SORT1: variants seen among roughly 807,000 people sequenced by gnomAD.
SORT1 encodes the protein sortilin.
SORT1 carries 39 observed loss-of-function variants against 101.7 expected under a neutral mutation model. The ratio of observed to expected loss-of-function variants is 0.38; its 90% confidence interval spans 0.30 to 0.50. The LOEUF (loss-of-function observed/expected upper bound fraction) is 0.50. SORT1 is among the 20% of genes least tolerant of loss of function. The pLI is 0.90. For missense variants in SORT1, 878 were observed against 1,040.4 expected (o/e 0.84, Z 2.15); for synonymous variants, 396 against 393.7 (o/e 1.01, Z -0.07).
In SORT1 at chr1:109,314,720, G is replaced by A; in HGVS notation, c.2309C>T (p.Thr770Ile). 1 of 1,612,046 alleles carries A rather than the reference G, an allele frequency of 6.2e-7. No homozygotes were observed. The highest frequency in any genetic ancestry group is 8.5e-7 in the Non-Finnish European group (1 of 1,178,116). The change falls in exon 18 of 20, where the codon ACA (threonine) becomes ATA (isoleucine). Residue 770 changes from threonine (T) to isoleucine (I), a missense_variant. Physicochemically the swap from Thr to Ile is moderately conservative, Grantham distance 89. Coordinates refer to ENST00000256637, the MANE Select transcript of SORT1 (RefSeq NM_002959.7). Reference protein sequence around the residue: ...ILAIVGLMLVTVVAGVLIVKK... With the variant: ...ILAIVGLMLVIVVAGVLIVKK... ...CACAATGAGCACTCCTGCTACGACT[G>A]TGACCAGCATCAATCCCACGATGGC...
intron 1 of SORT1, among the ~76,000 whole-genome samples, chr1:109,372,046 A>G (rs1570966855): frequency 6.6e-6 from 1 of 152,244 alleles, no homozygotes; most frequent in East Asian, 1.9e-4. Context: ...TAAATCCAGG[A>G]GAGCTAGGGA....
intron 1 of SORT1, chr1:109,389,857 C>A (rs1354197574): frequency 6.6e-6 from 1 of 152,290 alleles, no homozygotes; most frequent in Non-Finnish European, 1.5e-5. Flanking sequence ...CTTCTTGGCT[C>A]CCCATTTCTA....
intron 11 of SORT1, among the ~76,000 whole-genome samples, chr1:109,328,228 T>G (rs1298706120): frequency 6.6e-6 from 1 of 152,256 alleles, no homozygotes; most frequent in East Asian, 1.9e-4. Context: ...TTTGAGAACC[T>G]GCTTTCAACT....
At chr1:109,363,891 C>T (rs1305503420) in intron 3 of SORT1, among the ~76,000 whole-genome samples, 1 of 152,150 alleles carries the variant, frequency 6.6e-6, no homozygotes, top group Non-Finnish European at 1.5e-5. Context: ...CAACAGTTGC[C>T]TCTTGGTTGG....
intron 1 of SORT1, among the ~76,000 whole-genome samples, chr1:109,370,782 T>G (rs1424151936): frequency 1.3e-5 from 2 of 152,222 alleles, no homozygotes; most frequent in Admixed American, 6.5e-5. Flanking sequence ...TGGTACTCCC[T>G]GTGCCTTCCA....
intron 3 of SORT1, among the ~76,000 whole-genome samples, chr1:109,364,089 A>T (rs1650920984): frequency 6.6e-6 from 1 of 152,222 alleles, no homozygotes; most frequent in African/African-American, 2.4e-5. Flanking sequence ...ACAAAAAAAG[A>T]AACAAAAAAC....
intron 3 of SORT1, among the ~76,000 whole-genome samples, chr1:109,360,495 A>ACTTTTTTTTTT (rs1650647940): frequency 7.6e-6 from 1 of 132,164 alleles, no homozygotes. Context: ...ACCACACTCA[A>ACTTTTTTTTTT]TTTTTTTTTT....
At chr1:109,351,965 GGTGTGTGTGTGTGTGT>G (rs10540637) in intron 5 of SORT1, among the ~76,000 whole-genome samples, 5 of 147,512 alleles carry the variant, frequency 3.4e-5, no homozygotes, top group East Asian at 2.0e-4. Context: ...GAGAGGTAGG[GGTGTGTGTGTGTGTGT>G]GTGTGTGTGT....
intron 1 of SORT1, among the ~76,000 whole-genome samples, chr1:109,374,250 A>C (rs748984842): frequency 6.7e-4 from 102 of 152,278 alleles, no homozygotes; most frequent in Non-Finnish European, 1.2e-3. Flanking sequence ...ATGGATTGAG[A>C]ATGTTAAAGA....
intron 11 of SORT1, among the ~76,000 whole-genome samples, chr1:109,334,652 A>G (rs967851729): frequency 3.9e-5 from 6 of 152,188 alleles, no homozygotes; most frequent in African/African-American, 1.4e-4. Flanking sequence ...GAAGTTTGCT[A>G]AGAGAATAGA....
intron 1 of SORT1, 49 bp downstream of exon 1, chr1:109,397,538 C>T: frequency 9.1e-7 from 1 of 1,097,468 alleles, no homozygotes; most frequent in Non-Finnish European, 1.1e-6. Context: ...GAGGGGCACG[C>T]GGGCGGCACC....
At chr1:109,382,842 G>A (rs535727081) in intron 1 of SORT1, among the ~76,000 whole-genome samples, 7 of 152,156 alleles carry the variant, frequency 4.6e-5, no homozygotes, top group Non-Finnish European at 7.3e-5. Flanking sequence ...GAAAACGGAT[G>A]ATATAAGACT....
In SORT1 at chr1:109,311,595, G is replaced by A. The variant is rs2101510978; in HGVS notation, c.*2448C>T. ...ATGGGGAGGGAGACCCATCAGTGGA[G>A]AGTCCACTCCTGCACTCTTGAGCAG... On this transcript the variant is annotated 3_prime_UTR_variant, in exon 20 of 20. Coordinates refer to ENST00000256637, the MANE Select transcript of SORT1 (RefSeq NM_002959.7). The A allele has an allele frequency of 6.6e-6, 1 of 152,374 alleles. No individual in the cohort carries two copies. The highest frequency in any genetic ancestry group is 2.4e-5 in the African/African-American group (1 of 41,580). The allele number at this position is 152,374 out of a possible 1,614,324, so 9.4% of individuals were successfully genotyped here.
chr1:109,322,991 T>C lies in SORT1; in HGVS notation c.1965A>G (p.Arg655=). 6.2e-7 allele frequency: 1 copy of C among 1,614,186 alleles called. No homozygotes were observed. The highest frequency in any genetic ancestry group is 8.5e-7 in the Non-Finnish European group (1 of 1,180,014). Residue 655 remains arginine, a synonymous_variant, in exon 15 of 20, where the codon CGA becomes CGG. Transcript: ENST00000256637. ...AGGGCTGCTTGGTCACAACATAGTC[T>C]CGACCATTCTGACACACGGATGACT... The part of the protein sequence containing the change: ...LRKSSVCQNG[R]DYVVTKQPSI...
At chr1:109,374,308 C>T (rs1418809029) in intron 1 of SORT1, among the ~76,000 whole-genome samples, 2 of 151,822 alleles carry the variant, frequency 1.3e-5, no homozygotes, top group Non-Finnish European at 2.9e-5. Context: ...CCCAGTGGCT[C>T]ATGCCTATAA....
At position 109,344,660 on chromosome 1, in the gene SORT1, T is replaced by C. The variant is rs981770007; in HGVS notation, c.963+1091A>G. Among the ~76,000 whole-genome samples, 5 of 152,184 alleles carry C rather than the reference T, an allele frequency of 3.3e-5. 1 individual carries two copies. Among genetic ancestry groups the C allele is most frequent in the Admixed American group, 3.3e-4 (5 of 15,270 alleles). Reference sequence around the variant, plus strand: ...TGTTTTCTTACTGTTTTAGATTTCTTCGCGGCTTTAATTATTACCTGATAC... The same window carrying C: ...TGTTTTCTTACTGTTTTAGATTTCTCCGCGGCTTTAATTATTACCTGATAC... On this transcript the variant is annotated intron_variant, in intron 8 of 19. Transcript: ENST00000256637.
At chr1:109,380,777 G>GC (rs1652171811) in intron 1 of SORT1, among the ~76,000 whole-genome samples, 1 of 117,866 alleles carries the variant, frequency 8.5e-6, no homozygotes, top group African/African-American at 3.3e-5. Context: ...GGGAGTTTGA[G>GC]ACCAGCCTGG....
chr1:109,338,269 T>C (rs920210294), intron 10 of SORT1, among the ~76,000 whole-genome samples: 3 of 152,152 alleles, frequency 2.0e-5, no homozygotes, highest in Admixed American at 6.5e-5. Flanking sequence ...CATGTGTACC[T>C]GCTGTGTTAA....
At chr1:109,387,709 C>T (rs1317738298) in intron 1 of SORT1, among the ~76,000 whole-genome samples, 1 of 152,188 alleles carries the variant, frequency 6.6e-6, no homozygotes, top group East Asian at 1.9e-4. Context: ...AATCCCAACA[C>T]TTTGGGGCCG....
Sources: gnomAD v4.1 joint callset for allele counts (sites outside exome capture counted in the v4.1 genomes callset) on GRCh38, gnomAD v4.1.1 for gene constraint, MANE v1.5 for transcripts, NCBI Gene and HGNC (gene_info 2026-07-23, HGNC 2026-07-21) for gene names.